The following CAPN8 variants were observed in gnomAD, a reference collection of about 807,000 sequenced individuals.
CAPN8 encodes the protein calpain-8.
Under a neutral mutation model 80.9 loss-of-function variants are expected in CAPN8, and 87 were observed. The observed-to-expected ratio is 1.07, with a 90% CI of 0.90 to 1.28. CAPN8 has a LOEUF of 1.28. Ranked by LOEUF, CAPN8 falls within the 50% of genes most tolerant of loss-of-function variation. The pLI is 0.00. For synonymous variants in CAPN8, 299 were observed against 273.8 expected (o/e 1.09, Z -0.91); for missense variants, 757 against 702.0 (o/e 1.08, Z -0.89).
chr1:223,632,109 T>C (rs1476807763), intron 2 of CAPN8, among the ~76,000 whole-genome samples: 1 of 152,192 alleles, frequency 6.6e-6, no homozygotes, highest in Admixed American at 6.5e-5. Flanking sequence ...TCCTGACATT[T>C]CACAGGGTCT....
At chr1:223,659,603 C>G (rs1018575633) in intron 1 of CAPN8, among the ~76,000 whole-genome samples, 6 of 152,190 alleles carry the variant, frequency 3.9e-5, no homozygotes, top group Admixed American at 2.0e-4. Context: ...GGTAATTAAC[C>G]TGCCCCAATG....
chr1:223,543,008 C>G, intron 20 of CAPN8, 100 bp downstream of exon 20: 1 of 1,361,132 alleles, frequency 7.3e-7, no homozygotes, highest in Non-Finnish European at 1.0e-6. Flanking sequence ...TCACATGGAA[C>G]TAAGACAGCC....
At chr1:223,552,559 C>CAAAAA (rs1167143421) in intron 14 of CAPN8, among the ~76,000 whole-genome samples, 1 of 65,654 alleles carries the variant, frequency 1.5e-5, no homozygotes, top group African/African-American at 5.8e-5. Context: ...CAGTCCATCT[C>CAAAAA]AAAAAAAAAA....
chr1:223,661,200 T>G (rs10915947), intron 1 of CAPN8, among the ~76,000 whole-genome samples: 88,813 of 151,002 alleles, frequency 0.59, 26,838 homozygotes, highest in East Asian at 0.86. Flanking sequence ...AACTTGGATA[T>G]ATGTTTCTCC....
intron 12 of CAPN8, 75 bp downstream of exon 12, chr1:223,609,078 T>G (rs930875581): frequency 2.5e-6 from 1 of 397,408 alleles, no homozygotes. Flanking sequence ...GGGTGGGTCC[T>G]GCACCTGCAT....
intron 16 of CAPN8, among the ~76,000 whole-genome samples, chr1:223,548,959 T>C (rs1656707943): frequency 6.6e-6 from 1 of 150,580 alleles, no homozygotes; most frequent in Admixed American, 6.6e-5. Flanking sequence ...TGGGGACGGG[T>C]AGAATTGAAG....
At chr1:223,550,441 G>A (rs1656751875) in intron 15 of CAPN8, among the ~76,000 whole-genome samples, 1 of 152,234 alleles carries the variant, frequency 6.6e-6, no homozygotes, top group East Asian at 1.9e-4. Context: ...TGTGGGCTGG[G>A]GCTCAGAGGG....
At chr1:223,650,847 A>G (rs945742174) in intron 2 of CAPN8, among the ~76,000 whole-genome samples, 2 of 152,174 alleles carry the variant, frequency 1.3e-5, no homozygotes, top group African/African-American at 2.4e-5. Context: ...AATGGATGCT[A>G]TATTCATTGG....
chr1:223,662,044 CTAAG>C (rs1658659089), intron 1 of CAPN8, among the ~76,000 whole-genome samples: 2 of 152,192 alleles, frequency 1.3e-5, no homozygotes, highest in Admixed American at 6.5e-5. Flanking sequence ...GGATATTATG[CTAAG>C]TGAGTTATGC....
chr1:223,615,944 G>A, intron 10 of CAPN8, 26 bp downstream of exon 10: 1 of 1,551,856 alleles, frequency 6.4e-7, no homozygotes, highest in Non-Finnish European at 8.7e-7. Flanking sequence ...AGTGTATAAT[G>A]AAGGACAAAC....
intron 9 of CAPN8, chr1:223,618,067 T>C (rs1392538704): frequency 7.7e-6 from 5 of 651,312 alleles, no homozygotes; most frequent in African/African-American, 7.3e-5. Flanking sequence ...CAGTGAGCTC[T>C]GTCATGAGAA....
intron 4 of CAPN8, among the ~76,000 whole-genome samples, chr1:223,627,727 T>G (rs979391947): frequency 3.3e-5 from 5 of 152,146 alleles, no homozygotes; most frequent in African/African-American, 1.2e-4. Context: ...GAACCTACCT[T>G]GGGATTTGAA....
chr1:223,625,708 C>A, intron 6 of CAPN8, 97 bp downstream of exon 6: 1 of 1,118,456 alleles, frequency 8.9e-7, no homozygotes, highest in Non-Finnish European at 1.3e-6. Context: ...AATTCCGAAC[C>A]TTCTAGTAGT....
chr1:223,551,697 A>G (rs1352329097), intron 14 of CAPN8, among the ~76,000 whole-genome samples: 1 of 152,268 alleles, frequency 6.6e-6, no homozygotes, highest in East Asian at 1.9e-4. Flanking sequence ...CCTCAGCACA[A>G]TTCCACAGCC....
At chr1:223,543,575 C>T (rs1656531755) in intron 19 of CAPN8, among the ~76,000 whole-genome samples, 1 of 152,132 alleles carries the variant, frequency 6.6e-6, no homozygotes, top group Admixed American at 6.6e-5. Context: ...CCTACCAAAC[C>T]TCAGTGGAAG....
At chr1:223,623,088 G>A (rs996076180) in intron 6 of CAPN8, among the ~76,000 whole-genome samples, 188 bp from the exon 7 acceptor site, 2 of 152,196 alleles carry the variant, frequency 1.3e-5, no homozygotes, top group African/African-American at 4.8e-5. Flanking sequence ...AATAAATGAG[G>A]TATTTTTCAT....
At chr1:223,612,348 CTG>C (rs1360828139) in intron 10 of CAPN8, 91 bp from the exon 11 acceptor site, 5 of 1,151,508 alleles carry the variant, frequency 4.3e-6, no homozygotes, top group Non-Finnish European at 4.4e-6. Flanking sequence ...TGCAAACAGA[CTG>C]TGCAGTCCTG....
intron 5 of CAPN8, among the ~76,000 whole-genome samples, chr1:223,626,612 T>A (rs1024340097): frequency 2.0e-5 from 3 of 152,128 alleles, no homozygotes; most frequent in Non-Finnish European, 2.9e-5. Context: ...ATCCATCAGG[T>A]ATCATCAATC....
rs142386338 is a variant in CAPN8 at position 223,665,156 on chromosome 1, G to A, written c.237+254C>T. 3.1e-3 allele frequency among the ~76,000 whole-genome samples: 468 copies of A among 152,242 alleles called. 13 individuals carry two copies. In the East Asian group the frequency reaches 0.062, roughly 20 times the overall value. ...TAATCCCAGCTACTCGGGAGGCTGA[G>A]GCAGGAGAATCACTCAAACCCAGGA... On this transcript the variant is annotated intron_variant, in intron 1 of 20. Transcript: ENST00000366872.
Sources: allele counts gnomAD v4.1 joint callset (sites outside exome capture counted in the v4.1 genomes callset), GRCh38; gene constraint gnomAD v4.1.1; transcripts MANE v1.5; gene names NCBI Gene and HGNC (gene_info 2026-07-23, HGNC 2026-07-21).